The following CCDC192 variants were observed in gnomAD, a reference collection of about 807,000 sequenced individuals.
CCDC192 encodes the protein coiled-coil domain-containing protein 192.
In CCDC192 at chr5:127,824,905, G is replaced by A. The variant is rs11955595; in HGVS notation, c.411+26743G>A. Among the ~76,000 whole-genome samples the A allele has an allele frequency of 2.5e-3, 380 of 152,292 alleles. 1 individual carries two copies. Among genetic ancestry groups the A allele is most frequent in the African/African-American group, 8.3e-3 (346 of 41,548 alleles). ...ACTTGAATCCAAACATGGTTGTTTC[G>A]AGAGAAGCAATGAAAGGGATTAAAA... On this transcript the variant is annotated intron_variant, in intron 5 of 6. Transcript: ENST00000514853.
chr5:127,936,505 G>T (rs1047008901), intron 6 of CCDC192, among the ~76,000 whole-genome samples: 1 of 152,108 alleles, frequency 6.6e-6, no homozygotes, highest in Non-Finnish European at 1.5e-5. Context: ...ATTCCCACCG[G>T]CCATCCCCTA....
intron 3 of CCDC192, chr5:127,784,891 A>C (rs1226026837): frequency 2.2e-6 from 1 of 451,334 alleles, no homozygotes; most frequent in Non-Finnish European, 4.4e-6. Flanking sequence ...GGGCACATTG[A>C]TGTTAACCCT....
intron 5 of CCDC192, among the ~76,000 whole-genome samples, chr5:127,863,248 G>C (rs1751449217): frequency 6.6e-6 from 1 of 152,146 alleles, no homozygotes; most frequent in East Asian, 1.9e-4. Context: ...CCAAGGGCTG[G>C]AAACAACCCA....
chr5:127,752,979 G>A (rs538215321), intron 2 of CCDC192, among the ~76,000 whole-genome samples: 19 of 152,076 alleles, frequency 1.2e-4, no homozygotes, highest in Non-Finnish European at 2.7e-4. Context: ...GGGTCGCGTC[G>A]GTGTGCGCAC....
At chr5:127,741,356 C>G (rs928750312) in intron 2 of CCDC192, among the ~76,000 whole-genome samples, 1 of 152,142 alleles carries the variant, frequency 6.6e-6, no homozygotes, top group Non-Finnish European at 1.5e-5. Context: ...AGCCAGCACA[C>G]CCAGCCTGTA....
chr5:127,709,189 G>A (rs1305221573), intron 2 of CCDC192, among the ~76,000 whole-genome samples: 1 of 115,582 alleles, frequency 8.7e-6, no homozygotes, highest in Non-Finnish European at 1.8e-5. Context: ...GGGGGAGAGA[G>A]GTGGAGAGAG....
At chr5:127,863,438 G>A (rs1404224794) in intron 5 of CCDC192, among the ~76,000 whole-genome samples, 1 of 152,184 alleles carries the variant, frequency 6.6e-6, no homozygotes, top group Non-Finnish European at 1.5e-5. Flanking sequence ...ATCATGCCAA[G>A]TTAAATAAGT....
intron 6 of CCDC192, among the ~76,000 whole-genome samples, chr5:127,904,410 A>G (rs368967557): frequency 6.6e-6 from 1 of 152,120 alleles, no homozygotes; most frequent in African/African-American, 2.4e-5. Context: ...GCACCTTCAT[A>G]CATTCTGTAG....
chr5:127,779,508 G>T (rs1042651701), intron 3 of CCDC192, among the ~76,000 whole-genome samples: 1 of 151,618 alleles, frequency 6.6e-6, no homozygotes, highest in Non-Finnish European at 1.5e-5. Context: ...TGTTAGCCGG[G>T]ACAGTCTCGA....
intron 3 of CCDC192, among the ~76,000 whole-genome samples, chr5:127,765,994 G>C (rs1362822219): frequency 6.6e-6 from 1 of 152,184 alleles, no homozygotes; most frequent in African/African-American, 2.4e-5. Flanking sequence ...TCCACTGCCT[G>C]TTGTCAGCTT....
At position 127,901,084 on chromosome 5, in the gene CCDC192, A is replaced by G. The variant is rs566140288; in HGVS notation, c.535+25423A>G. 1.2e-4 allele frequency among the ~76,000 whole-genome samples: 19 copies of G among 152,360 alleles called. No individual in the cohort carries two copies. In the East Asian group the frequency reaches 2.5e-3, roughly 20 times the overall value. ...AGCAGAAATATAAATTAGTCAAAAC[A>G]GTGGGACATGACTTAAATTATAATC... On this transcript the variant is annotated intron_variant, in intron 6 of 6. Transcript: ENST00000514853.
chr5:127,794,333 T>C (rs1417786255), intron 3 of CCDC192, among the ~76,000 whole-genome samples: 1 of 152,198 alleles, frequency 6.6e-6, no homozygotes, highest in Non-Finnish European at 1.5e-5. Flanking sequence ...ACTCCAGAAC[T>C]TACTTGCTGT....
At chr5:127,895,005 T>C (rs557319085) in intron 6 of CCDC192, among the ~76,000 whole-genome samples, 3 of 152,330 alleles carry the variant, frequency 2.0e-5, no homozygotes, top group African/African-American at 7.2e-5. Flanking sequence ...GCAACTTTTA[T>C]TTTGAGTTCA....
At chr5:127,825,685 T>C (rs1472751315) in intron 5 of CCDC192, among the ~76,000 whole-genome samples, 3 of 152,248 alleles carry the variant, frequency 2.0e-5, no homozygotes, top group African/African-American at 7.2e-5. Context: ...GTACATTTTA[T>C]ATACAATCTA....
intron 3 of CCDC192, chr5:127,785,303 G>C (rs956279715): frequency 1.1e-5 from 5 of 473,086 alleles, no homozygotes; most frequent in Non-Finnish European, 1.7e-5. Context: ...ACTGCTTAAA[G>C]GGCCAGGACC....
chr5:127,926,031 C>CAA (rs35955986), intron 6 of CCDC192, among the ~76,000 whole-genome samples: 1 of 151,906 alleles, frequency 6.6e-6, no homozygotes, highest in Non-Finnish European at 1.5e-5. Flanking sequence ...GATTTATAGA[C>CAA]AAAAAAAGGG....
chr5:127,795,715 G>A (rs1298050732), intron 3 of CCDC192, among the ~76,000 whole-genome samples: 3 of 151,920 alleles, frequency 2.0e-5, no homozygotes, highest in East Asian at 1.9e-4. Flanking sequence ...CTAGTAGCTG[G>A]GACTACAGGC....
intron 5 of CCDC192, among the ~76,000 whole-genome samples, chr5:127,868,034 C>T (rs1326032818): frequency 5.1e-5 from 7 of 137,300 alleles, no homozygotes; most frequent in South Asian, 2.3e-4. Flanking sequence ...TTCAAGTTGG[C>T]GAGATCTTAG....
intron 2 of CCDC192, among the ~76,000 whole-genome samples, chr5:127,720,219 G>C (rs964547722): frequency 1.3e-5 from 2 of 152,110 alleles, no homozygotes; most frequent in Non-Finnish European, 2.9e-5. Flanking sequence ...GATACAATGG[G>C]GGTACTGGCA....
Sources: gnomAD v4.1 joint callset for allele counts (sites outside exome capture counted in the v4.1 genomes callset) on GRCh38, gnomAD v4.1.1 for gene constraint, MANE v1.5 for transcripts, NCBI Gene and HGNC (gene_info 2026-07-23, HGNC 2026-07-21) for gene names.